Variants in NELL1 observed in about 807,000 individuals in gnomAD.
NELL1 encodes the protein protein kinase C-binding protein NELL1.
In NELL1, 76 loss-of-function variants were observed where a neutral mutation model predicts 107.4. The ratio of observed to expected loss-of-function variants is 0.71; its 90% confidence interval spans 0.59 to 0.86. The LOEUF (loss-of-function observed/expected upper bound fraction) is 0.86. Among genes scored for constraint, NELL1 ranks in the 40% least tolerant of loss-of-function variants. The pLI is 0.00. For synonymous variants in NELL1, 353 were observed against 341.2 expected (o/e 1.03, Z -0.38); for missense variants, 1,024 against 1,005.5 (o/e 1.02, Z -0.25).
chr11:21,571,691 G>C (rs1027505382), intron 18 of NELL1, among the ~76,000 whole-genome samples: 3 of 151,844 alleles, frequency 2.0e-5, no homozygotes, highest in Admixed American at 6.6e-5. Flanking sequence ...TTAGATTTGA[G>C]AAAGTCCAGA....
intron 2 of NELL1, among the ~76,000 whole-genome samples, chr11:20,719,664 T>G (rs921947071): frequency 6.6e-6 from 1 of 152,184 alleles, no homozygotes; most frequent in Non-Finnish European, 1.5e-5. Flanking sequence ...CTTGAAAAAC[T>G]CTGTCAGTCC....
chr11:21,031,510 A>G (rs1330515250), intron 12 of NELL1, among the ~76,000 whole-genome samples: 1 of 152,224 alleles, frequency 6.6e-6, no homozygotes, highest in African/African-American at 2.4e-5. Flanking sequence ...ATATTAAGGA[A>G]GGTGGTTCAC....
At chr11:21,173,740 T>C (rs1402806454) in intron 13 of NELL1, among the ~76,000 whole-genome samples, 1 of 151,538 alleles carries the variant, frequency 6.6e-6, no homozygotes, top group African/African-American at 2.4e-5. Context: ...TTGCTTGATA[T>C]GTAGAGGTAT....
chr11:21,321,806 A>AT (rs1465147235), intron 14 of NELL1, among the ~76,000 whole-genome samples: 1 of 152,222 alleles, frequency 6.6e-6, no homozygotes, highest in Non-Finnish European at 1.5e-5. Context: ...AGTCCCACAC[A>AT]TGGTGTAAGG....
At chr11:21,364,527 A>AC (rs1196566697) in intron 14 of NELL1, among the ~76,000 whole-genome samples, 4 of 152,142 alleles carry the variant, frequency 2.6e-5, no homozygotes, top group Admixed American at 1.3e-4. Flanking sequence ...GATTGCAAAA[A>AC]CAAGTCATTG....
At chr11:21,470,898 T>TA (rs1026741700) in intron 15 of NELL1, among the ~76,000 whole-genome samples, 11 of 152,138 alleles carry the variant, frequency 7.2e-5, no homozygotes, top group Non-Finnish European at 1.6e-4. Flanking sequence ...TGTAAAATGG[T>TA]AAAAATAGTG....
In NELL1 at chr11:21,512,928, G is replaced by A. The variant is rs370576093; in HGVS notation, c.1646-21446G>A. Among the ~76,000 whole-genome samples, 122 of 152,276 alleles carry A rather than the reference G, an allele frequency of 8.0e-4. 1 individual carries two copies. The highest frequency in any genetic ancestry group is 4.1e-3 in the South Asian group (20 of 4,824). On this transcript the variant is annotated intron_variant, in intron 15 of 19. Transcript: ENST00000357134. ...TTTCCTGGCAGGTAGCTAATGCTCAGCAGATATTTGATGGGTTAAAAATGA... is the reference window on the plus strand; with the variant it reads ...TTTCCTGGCAGGTAGCTAATGCTCAACAGATATTTGATGGGTTAAAAATGA...
At chr11:21,308,623 A>T (rs115742945) in intron 14 of NELL1, among the ~76,000 whole-genome samples, 2,436 of 152,044 alleles carry the variant, frequency 0.016, 73 homozygotes, top group African/African-American at 0.056. Flanking sequence ...CAGGATCTCA[A>T]TTTTTAAATT....
At chr11:21,386,828 C>G (rs1851758045) in intron 15 of NELL1, among the ~76,000 whole-genome samples, 1 of 151,920 alleles carries the variant, frequency 6.6e-6, no homozygotes, top group Admixed American at 6.6e-5. Context: ...GTGTCTTTCA[C>G]AGTACCAATA....
At chr11:21,117,824 A>G (rs562004013) in intron 13 of NELL1, among the ~76,000 whole-genome samples, 8 of 152,076 alleles carry the variant, frequency 5.3e-5, no homozygotes, top group African/African-American at 1.9e-4. Flanking sequence ...CAGCCATTAA[A>G]TGTTCTGACC....
chr11:21,209,192 T>C (rs188217030), intron 13 of NELL1, among the ~76,000 whole-genome samples: 1 of 152,150 alleles, frequency 6.6e-6, no homozygotes, highest in Non-Finnish European at 1.5e-5. Flanking sequence ...TGTTGTATTA[T>C]AAATAACATG....
intron 12 of NELL1, among the ~76,000 whole-genome samples, chr11:21,086,886 C>T (rs1017220222): frequency 7.2e-5 from 10 of 138,366 alleles, no homozygotes; most frequent in Non-Finnish European, 9.0e-5. Flanking sequence ...GGCTGCAGTG[C>T]AGTGGAACGA....
At chr11:21,251,461 C>A (rs1349750683) in intron 14 of NELL1, among the ~76,000 whole-genome samples, 1 of 152,000 alleles carries the variant, frequency 6.6e-6, no homozygotes, top group Non-Finnish European at 1.5e-5. Flanking sequence ...ACTAGCCTAA[C>A]CCTCCTTAGT....
chr11:21,206,838 C>G (rs1857400151), intron 13 of NELL1, among the ~76,000 whole-genome samples: 1 of 152,080 alleles, frequency 6.6e-6, no homozygotes, highest in African/African-American at 2.4e-5. Context: ...AAAGATTAAC[C>G]CAGCATTATT....
At chr11:21,043,389 G>A (rs1208240001) in intron 12 of NELL1, among the ~76,000 whole-genome samples, 1 of 152,094 alleles carries the variant, frequency 6.6e-6, no homozygotes, top group Non-Finnish European at 1.5e-5. Context: ...AAGTCCTTAA[G>A]GTTAGAAAGA....
At chr11:21,213,758 A>G (rs1262879120) in intron 13 of NELL1, among the ~76,000 whole-genome samples, 1 of 152,202 alleles carries the variant, frequency 6.6e-6, no homozygotes, top group African/African-American at 2.4e-5. Flanking sequence ...TTTTGAACAC[A>G]TGGCACTGGA....
At chr11:21,266,537 CGTT>C (rs1848639575) in intron 14 of NELL1, among the ~76,000 whole-genome samples, 3 of 152,070 alleles carry the variant, frequency 2.0e-5, no homozygotes, top group Non-Finnish European at 2.9e-5. Flanking sequence ...GATTTTGACA[CGTT>C]GACCCTTTAT....
chr11:21,373,178 A>G (rs1225651207), intron 15 of NELL1, among the ~76,000 whole-genome samples: 1 of 152,058 alleles, frequency 6.6e-6, no homozygotes, highest in African/African-American at 2.4e-5. Context: ...CTCAAATTCT[A>G]TCAGATTTTT....
intron 15 of NELL1, among the ~76,000 whole-genome samples, chr11:21,485,907 T>A (rs1246349225): frequency 6.6e-6 from 1 of 151,952 alleles, no homozygotes; most frequent in Non-Finnish European, 1.5e-5. Flanking sequence ...GGGTTTGAGG[T>A]TATGCCAACC....
Sources: allele counts gnomAD v4.1 joint callset (sites outside exome capture counted in the v4.1 genomes callset), GRCh38; gene constraint gnomAD v4.1.1; transcripts MANE v1.5; gene names NCBI Gene and HGNC (gene_info 2026-07-23, HGNC 2026-07-21).